SRRT: variants seen among roughly 807,000 people sequenced by gnomAD.
The protein encoded by SRRT is serrate RNA effector molecule homolog.
SRRT carries 32 observed loss-of-function variants against 103.2 expected under a neutral mutation model. The ratio of observed to expected loss-of-function variants is 0.31; its 90% CI spans 0.23 to 0.42. The LOEUF is 0.42. Among genes scored for constraint, SRRT ranks in the 10% least tolerant of loss-of-function variants. The probability of loss-of-function intolerance (pLI) is 1.00; values close to 1 mark genes in which losing one functional copy is unlikely to be tolerated. For synonymous variants in SRRT, 525 were observed against 449.0 expected, an observed-to-expected ratio of 1.17 and a Z score of -2.14; for missense variants, 986 against 1,207.5, an observed-to-expected ratio of 0.82 and a Z score of 2.72.
At chr7:100,881,887 A>C in intron 4 of SRRT, 82 bp downstream of exon 4, 1 of 1,517,480 alleles carries the variant, frequency 6.6e-7, no homozygotes, top group Non-Finnish European at 8.8e-7. Flanking sequence ...GAAGCCAGGG[A>C]GCGGGTCAGG....
rs903712230 is a variant in SRRT, at chr7:100,888,254, T to C, written c.2429-3T>C. On this transcript the variant is annotated splice_polypyrimidine_tract_variant and splice_region_variant and intron_variant, in intron 18 of 19. Coordinates refer to ENST00000611405, the MANE Select transcript of SRRT (RefSeq NM_015908.6). ...TGCAACTCAACACTGATCTCTGTCA[T>C]AGCTGGTGCTGTCCGCCCTGCAGTC... 10 of 1,606,698 alleles carry C rather than the reference T, an allele frequency of 6.2e-6. No individual in the cohort carries two copies. In the Admixed American group the frequency reaches 6.8e-5, roughly 11 times the overall value.
chr7:100,888,098 CTGA>C lies in SRRT; in HGVS notation c.2386_2388del (p.Met796del). 6.2e-7 allele frequency: 1 copy of C among 1,610,570 alleles called. No homozygotes were observed. The highest frequency in any genetic ancestry group is 8.5e-7 in the Non-Finnish European group (1 of 1,178,112). On this transcript the variant is annotated inframe_deletion, in exon 18 of 20. Transcript: ENST00000611405. Reference sequence around the variant, plus strand: ...CTACCCACACCAGACTCCCCAGGGCCTGATGCCCTATGGTCAGCCCCGGCCCCC... The same window carrying C: ...CTACCCACACCAGACTCCCCAGGGCCTGCCCTATGGTCAGCCCCGGCCCCC...
intron 5 of SRRT, 141 bp from the exon 6 acceptor site, chr7:100,883,929 C>G: frequency 1.1e-6 from 1 of 898,650 alleles, no homozygotes; most frequent in Non-Finnish European, 1.6e-6. Flanking sequence ...GCACCCCTAT[C>G]CCTTAATCTC....
chr7:100,884,675 T>TG lies in SRRT; in HGVS notation c.943-60dup, dbSNP rs1789912966. 7.2e-6 allele frequency: 6 copies of TG among 827,976 alleles called. No homozygotes were observed. The South Asian group carries it at 9.5e-5, about 13-fold the overall frequency. The allele number at this position is 827,976 out of a possible 1,614,324, so 51.3% of individuals were successfully genotyped here. On this transcript the variant is annotated intron_variant, in intron 7 of 19. Coordinates refer to ENST00000611405, the MANE Select transcript of SRRT (RefSeq NM_015908.6). ...GAACCTGTGGCCTCAGCTGTGGGGG[T>TG]GGGGGCCCTCTGATAAAGGTGGGAG...
At chr7:100,878,443 A>G (rs1304060284) in intron 2 of SRRT, among the ~76,000 whole-genome samples, 1 of 152,244 alleles carries the variant, frequency 6.6e-6, no homozygotes, top group East Asian at 1.9e-4. Context: ...TGGGTGAGAC[A>G]TAATCCAGGT....
At chr7:100,875,772 G>T in intron 2 of SRRT, 60 bp downstream of exon 2, 4 of 1,599,414 alleles carry the variant, frequency 2.5e-6, no homozygotes, top group Non-Finnish European at 3.4e-6. Context: ...CACCCGCGTC[G>T]CTTTTCTTTC....
At position 100,885,285 on chromosome 7, in the gene SRRT, A is replaced by T. The variant is rs1349835036; in HGVS notation, c.1232A>T (p.Glu411Val). 3.7e-6 allele frequency: 6 copies of T among 1,614,056 alleles called. No individual in the cohort carries two copies. Among genetic ancestry groups the T allele is most frequent in the Non-Finnish European group, 5.1e-6 (6 of 1,180,040 alleles). The part of the protein sequence containing the change: ...WEKPKDAAGL[E>V]CKPRPLHKTC... ...AAGCCCAAGGACGCCGCGGGGCTGG[A>T]GTGCAAGCCGCGGCCGCTGCATAAG... The change falls in exon 10 of 20, where the codon GAG becomes GTG. Residue 411 changes from glutamate (E) to valine (V), a missense_variant. Physicochemically the swap from Glu to Val is moderately radical, Grantham distance 121 (BLOSUM62 -2). Coordinates refer to ENST00000611405, the MANE Select transcript of SRRT (RefSeq NM_015908.6). This position sits in a 1 kb window ranked among gnomAD's most constrained non-coding sequence, Gnocchi z 4.8.
Position 100,884,217 on chromosome 7 carries a change from C to T in SRRT, c.735C>T (p.Ala245=), listed in dbSNP as rs767366668. 1.9e-6 allele frequency: 3 copies of T among 1,614,108 alleles called. No homozygotes were observed. Among genetic ancestry groups the T allele is most frequent in the African/African-American group, 2.7e-5 (2 of 75,020 alleles). The change falls in exon 6 of 20, where the codon GCC becomes GCT. Residue 245 remains alanine (A), a synonymous_variant. Transcript: ENST00000611405. ...TCCTGGACATAGACAAAGCTGATGCCATTGTCAAGATGCTGGATGCAGGTG... is the reference window on the plus strand; with the variant it reads ...TCCTGGACATAGACAAAGCTGATGCTATTGTCAAGATGCTGGATGCAGGTG... ...NLLLDIDKAD[A]IVKMLDAAVI...
chr7:100,887,254 C>T lies in SRRT; in HGVS notation c.1975+54C>T, dbSNP rs1437264691. 1.6e-5 allele frequency: 26 copies of T among 1,611,008 alleles called. No homozygotes were observed. Among genetic ancestry groups the T allele is most frequent in the Non-Finnish European group, 2.1e-5 (25 of 1,177,816 alleles). ...GCTGCCCCTGGCCTTGGTCCTCCAG[C>T]CCCTTGCCACCATCCTTCCTTCTGG... is the stretch of plus-strand genomic sequence containing the variant. On this transcript the variant is annotated intron_variant, in intron 15 of 19. Coordinates refer to ENST00000611405, the MANE Select transcript of SRRT (RefSeq NM_015908.6). The surrounding 1 kb of genome is among the most constrained non-coding windows in gnomAD (Gnocchi z 4.1).
intron 2 of SRRT, chr7:100,876,031 T>A: frequency 3.3e-6 from 1 of 302,954 alleles, no homozygotes; most frequent in Non-Finnish European, 6.6e-6. Context: ...CTGCCCTGGC[T>A]GGAGTGCATT....
chr7:100,881,420 T>A lies in SRRT; in HGVS notation c.251+7T>A. 6.2e-7 allele frequency: 1 copy of A among 1,608,886 alleles called. No homozygotes were observed. Among genetic ancestry groups the A allele is most frequent in the African/African-American group, 1.3e-5 (1 of 74,944 alleles). ...AGCGCATGAGGAGAGACTGGTGAGA[T>A]GGAGCGGTTTCCCTCTCCTCCCCTT... On this transcript the variant is annotated splice_region_variant and intron_variant, in intron 3 of 19. Coordinates refer to ENST00000611405, the MANE Select transcript of SRRT (RefSeq NM_015908.6).
chr7:100,884,205 C>T lies in SRRT; in HGVS notation c.723C>T (p.Asp241=). The change falls in exon 6 of 20, where the codon GAC becomes GAT. Residue 241 remains aspartate (D), a synonymous_variant. Transcript: ENST00000611405. ...TTGATAACCTTCTCCTGGACATAGACAAAGCTGATGCCATTGTCAAGATGC... is the reference window on the plus strand; with the variant it reads ...TTGATAACCTTCTCCTGGACATAGATAAAGCTGATGCCATTGTCAAGATGC... ...GWFDNLLLDI[D]KADAIVKMLD... 5 of 1,614,122 alleles carry T rather than the reference C, an allele frequency of 3.1e-6. No homozygotes were observed. Among genetic ancestry groups the T allele is most frequent in the Non-Finnish European group, 4.2e-6 (5 of 1,180,022 alleles).
chr7:100,888,197 G>GAA, intron 18 of SRRT, 54 bp downstream of exon 18: 2 of 1,599,256 alleles, frequency 1.3e-6, no homozygotes, highest in Non-Finnish European at 1.7e-6. Context: ...TTTGGGAGAA[G>GAA]AAAACAGAGG....
At chr7:100,876,072 G>GCTCAACCGAGCCTCCCGC (rs1353446339) in intron 2 of SRRT, 1 of 214,094 alleles carries the variant, frequency 4.7e-6, no homozygotes, top group African/African-American at 2.3e-5. Context: ...CACCTCCCGG[G>GCTCAACCGAGCCTCCCGC]CTCAACCGAG....
chr7:100,882,265 C>T lies in SRRT; in HGVS notation c.587+24C>T, dbSNP rs371326799. On this transcript the variant is annotated intron_variant, in intron 5 of 19. Transcript: ENST00000611405. This position sits in a 1 kb window ranked among gnomAD's most constrained non-coding sequence, Gnocchi z 4.2. ...TGGTGAGTGCCCCTACTTCCCTGGA[C>T]CTCTGCCCTGGCATGTCCCCCTGGC... 1.6e-4 allele frequency: 258 copies of T among 1,609,666 alleles called. 3 individuals carry two copies. In the South Asian group the frequency reaches 2.6e-3, roughly 16 times the overall value.
rs375882161 is a variant in SRRT at position 100,884,508 on chromosome 7, C to T, written c.898C>T (p.Arg300Cys). ...RAGAGLGDGE[R>C]KTNDKDEKKE... Reference sequence around the variant, plus strand: ...TGGAGCAGGCCTAGGGGACGGGGAGCGCAAAACCAACGACAAGGATGAGAA... The same window carrying T: ...TGGAGCAGGCCTAGGGGACGGGGAGTGCAAAACCAACGACAAGGATGAGAA... The change falls in exon 7 of 20, where the codon CGC becomes TGC. Residue 300 changes from arginine to cysteine, a missense_variant. Arg to Cys is a radical substitution (Grantham distance 180, BLOSUM62 -3). This residue lies in a region of SRRT where 166 missense variants were observed against 148.6 expected (regional missense o/e 1.12). Transcript: ENST00000611405. 174 of 1,612,414 alleles carry T rather than the reference C, an allele frequency of 1.1e-4. No homozygotes were observed. Among genetic ancestry groups the T allele is most frequent in the Non-Finnish European group, 1.4e-4 (162 of 1,179,652 alleles).
chr7:100,888,222 A>G, intron 18 of SRRT, 35 bp from the exon 19 acceptor site: 2 of 1,601,740 alleles, frequency 1.2e-6, no homozygotes, highest in South Asian at 1.1e-5. Flanking sequence ...AATTGAGGAC[A>G]TAGTTTTGCA....
chr7:100,888,578 A>G lies in SRRT; in HGVS notation c.*29A>G. On this transcript the variant is annotated 3_prime_UTR_variant, in exon 20 of 20. Coordinates refer to ENST00000611405, the MANE Select transcript of SRRT (RefSeq NM_015908.6). ...GTCCCCCGTTCCTCAGTCCTGTATC[A>G]TCCATACTTGTACTACCTTGTCCTA... The G allele has an allele frequency of 6.2e-7, 1 of 1,613,542 alleles. No homozygotes were observed.
chr7:100,886,121 TC>T, intron 12 of SRRT, 125 bp from the exon 13 acceptor site: 2 of 1,259,902 alleles, frequency 1.6e-6, no homozygotes, highest in Non-Finnish European at 2.2e-6. Flanking sequence ...ACCTATGTGG[TC>T]CCCGTCCCCA....
Sources: gnomAD v4.1 joint callset for allele counts (sites outside exome capture counted in the v4.1 genomes callset) on GRCh38, gnomAD v4.1.1 for gene constraint, gnomAD v4.1.1 regional missense constraint, Gnocchi (gnomAD v3.1) non-coding constraint, MANE v1.5 for transcripts, NCBI Gene and HGNC (gene_info 2026-07-23, HGNC 2026-07-21) for gene names.